Variants in EML6 observed in about 807,000 individuals in gnomAD.
EML6 encodes echinoderm microtubule-associated protein-like 6.
A neutral mutation model predicts 240.1 loss-of-function variants in EML6; 154 were observed. That is an observed-to-expected ratio of 0.64 (90% CI 0.56 to 0.73). EML6 has a LOEUF of 0.73. Ranked by LOEUF, EML6 falls within the 30% of genes least tolerant of loss-of-function variation. EML6 has a pLI of 0.00. For missense variants in EML6, 2,964 were observed against 2,474.6 expected, an observed-to-expected ratio of 1.20 and a Z score of -4.20; for synonymous variants, 1,148 against 899.0, an observed-to-expected ratio of 1.28 and a Z score of -4.95.
At chr2:54,891,246 G>T in intron 18 of EML6, 92 bp downstream of exon 18, 1 of 594,260 alleles carries the variant, frequency 1.7e-6, no homozygotes, top group Non-Finnish European at 2.9e-6. Flanking sequence ...TACCTCGCTT[G>T]TCTCTGCAAT....
intron 11 of EML6, among the ~76,000 whole-genome samples, chr2:54,857,178 G>GT (rs1410838853): frequency 6.6e-6 from 1 of 152,218 alleles, no homozygotes; most frequent in East Asian, 1.9e-4. Context: ...CTTGTTGTAA[G>GT]TTAGGGGCCC....
rs541190759 is a variant in EML6, at chr2:54,924,522, G to C, written c.3676-3791G>C. Among the ~76,000 whole-genome samples, 167 of 152,178 alleles carry C rather than the reference G, an allele frequency of 1.1e-3. 1 individual carries two copies. Among genetic ancestry groups the C allele is most frequent in the Middle Eastern group, 0.01 (3 of 294 alleles). ...ATGGCTTAAACTACTAGCCAAATAT[G>C]AATTATTTTGATAAAATCACTTATT... On this transcript the variant is annotated intron_variant, in intron 26 of 41. Coordinates refer to ENST00000356458, the MANE Select transcript of EML6 (RefSeq NM_001039753.4).
At chr2:54,958,594 G>A (rs938197184) in intron 33 of EML6, among the ~76,000 whole-genome samples, 3 of 152,132 alleles carry the variant, frequency 2.0e-5, no homozygotes, top group Admixed American at 2.0e-4. Flanking sequence ...AAGCCCCAGA[G>A]GATATTGGGA....
At chr2:54,818,270 A>G (rs1446674740) in intron 4 of EML6, among the ~76,000 whole-genome samples, 1 of 150,446 alleles carries the variant, frequency 6.6e-6, no homozygotes, top group East Asian at 1.9e-4. Flanking sequence ...TTGTTAAATT[A>G]TTACTGTTAA....
At chr2:54,967,266 A>G (rs1479896989) in intron 39 of EML6, 163 bp downstream of exon 39, 3 of 525,228 alleles carry the variant, frequency 5.7e-6, no homozygotes, top group Non-Finnish European at 1.0e-5. Context: ...AGTCTAGTTT[A>G]GGTCACTGGC....
At chr2:54,760,894 T>C (rs1407749032) in intron 2 of EML6, among the ~76,000 whole-genome samples, 1 of 150,470 alleles carries the variant, frequency 6.6e-6, no homozygotes, top group Non-Finnish European at 1.5e-5. Context: ...TTACTCTGTG[T>C]CTGGGAAATA....
chr2:54,970,217 A>G lies in EML6; in HGVS notation c.*122A>G. 1.1e-6 allele frequency: 1 copy of G among 945,210 alleles called. No individual in the cohort carries two copies. The allele number at this position is 945,210 out of a possible 1,614,324, so 58.6% of individuals were successfully genotyped here. ...ATGCCTACCATGCTGCCCCGGATGC[A>G]CAAGCTCAAAACGCTGCAGAAGTTA... On this transcript the variant is annotated 3_prime_UTR_variant, in exon 42 of 42. Coordinates refer to ENST00000356458, the MANE Select transcript of EML6 (RefSeq NM_001039753.4).
intron 28 of EML6, among the ~76,000 whole-genome samples, 182 bp downstream of exon 28, chr2:54,928,933 TG>T (rs1220990558): frequency 6.6e-6 from 1 of 152,198 alleles, no homozygotes; most frequent in Non-Finnish European, 1.5e-5. Context: ...TCCCAGTACG[TG>T]GCAAAGGGCG....
intron 2 of EML6, among the ~76,000 whole-genome samples, chr2:54,739,748 T>C (rs931176765): frequency 6.6e-6 from 1 of 152,242 alleles, no homozygotes; most frequent in Non-Finnish European, 1.5e-5. Flanking sequence ...TAGGGAAGGC[T>C]TTCTGGAAGA....
chr2:54,748,278 G>T (rs943772018), intron 2 of EML6: 4 of 152,138 alleles, frequency 2.6e-5, no homozygotes, highest in African/African-American at 2.4e-5. Context: ...CCTTTGGTGG[G>T]CATAATTTTT....
In EML6 at chr2:54,892,443, G is replaced by A; in HGVS notation, c.2540-11G>A. ...TTTTATAAAGTAATAACTGTTCTTG[G>A]TCCACTCTAGGTGGGGGCTTCACTT... On this transcript the variant is annotated splice_polypyrimidine_tract_variant and intron_variant, in intron 18 of 41. Transcript: ENST00000356458. 1.3e-6 allele frequency: 2 copies of A among 1,544,380 alleles called. No homozygotes were observed. Among genetic ancestry groups the A allele is most frequent in the Non-Finnish European group, 1.8e-6 (2 of 1,140,678 alleles).
intron 2 of EML6, among the ~76,000 whole-genome samples, chr2:54,780,527 A>G (rs1033263080): frequency 1.3e-5 from 2 of 152,164 alleles, no homozygotes; most frequent in African/African-American, 4.8e-5. Context: ...TATATTCTCT[A>G]TTCATTCTCC....
chr2:54,937,552 T>TA (rs1675207330), intron 28 of EML6, among the ~76,000 whole-genome samples: 1 of 94,370 alleles, frequency 1.1e-5, no homozygotes, highest in Non-Finnish European at 2.2e-5. Context: ...GACTCTGTCT[T>TA]TAAAAAAAAA....
intron 2 of EML6, among the ~76,000 whole-genome samples, chr2:54,792,250 T>C (rs777175748): frequency 2.0e-5 from 3 of 152,210 alleles, no homozygotes; most frequent in African/African-American, 4.8e-5. Context: ...TCTCGATATA[T>C]TTTGTCCCTT....
intron 2 of EML6, among the ~76,000 whole-genome samples, chr2:54,749,489 C>T (rs1191330717): frequency 1.3e-5 from 2 of 151,912 alleles, no homozygotes; most frequent in Non-Finnish European, 2.9e-5. Context: ...TATATATTAT[C>T]GATGCAGAGA....
In EML6 at chr2:54,892,591, A is replaced by G. The variant is rs1672530491; in HGVS notation, c.2677A>G (p.Ile893Val). The change falls in exon 19 of 42, where the codon ATT becomes GTT. Residue 893 changes from isoleucine to valine, a missense_variant. By Grantham distance (29) the Ile-to-Val change is conservative. Coordinates refer to ENST00000356458, the MANE Select transcript of EML6 (RefSeq NM_001039753.4). Reference protein sequence around the residue: ...ATGDIFIWKDILLLKTVKAHD... With the variant: ...ATGDIFIWKDVLLLKTVKAHD... Reference sequence around the variant, plus strand: ...TGGAGATATTTTTATTTGGAAAGACATTCTACTACTGAAGACAGTGAAAGC... The same window carrying G: ...TGGAGATATTTTTATTTGGAAAGACGTTCTACTACTGAAGACAGTGAAAGC... The G allele has an allele frequency of 2.6e-6, 4 of 1,551,700 alleles. No individual in the cohort carries two copies. The highest frequency in any genetic ancestry group is 3.5e-6 in the Non-Finnish European group (4 of 1,146,910).
At chr2:54,933,463 G>A (rs1377528404) in intron 28 of EML6, among the ~76,000 whole-genome samples, 6 of 152,122 alleles carry the variant, frequency 3.9e-5, no homozygotes, top group African/African-American at 1.2e-4. Context: ...GGCCAGGCAC[G>A]GTGGCTTATG....
intron 8 of EML6, 100 bp from the exon 9 acceptor site, chr2:54,847,386 T>A (rs1669822987): frequency 2.4e-6 from 3 of 1,272,136 alleles, no homozygotes; most frequent in South Asian, 2.9e-5. Context: ...ATGTCTTTTC[T>A]TGTTACTGTT....
intron 7 of EML6, among the ~76,000 whole-genome samples, chr2:54,841,518 A>G (rs888351298): frequency 2.0e-5 from 3 of 150,518 alleles, no homozygotes; most frequent in African/African-American, 7.3e-5. Context: ...TATAGTTAGG[A>G]TGTCCGCGTA....
Sources: allele counts gnomAD v4.1 joint callset (sites outside exome capture counted in the v4.1 genomes callset), GRCh38; gene constraint gnomAD v4.1.1; transcripts MANE v1.5; gene names NCBI Gene and HGNC (gene_info 2026-07-23, HGNC 2026-07-21).